AGBL1: variants seen among roughly 807,000 people sequenced by gnomAD.
The protein encoded by AGBL1 is AGBL carboxypeptidase 1, also known as cytosolic carboxypeptidase 4.
Under a neutral mutation model 118.9 loss-of-function variants are expected in AGBL1, and 130 were observed. That is an observed-to-expected ratio of 1.09 (90% CI 0.95 to 1.26). AGBL1 has a LOEUF of 1.26. Ranked by LOEUF, AGBL1 falls within the 50% of genes most tolerant of loss-of-function variation. The pLI is 0.00. For synonymous variants in AGBL1, 555 were observed against 478.9 expected (o/e 1.16, Z -2.08); for missense variants, 1,584 against 1,298.1 (o/e 1.22, Z -3.38).
At chr15:86,180,292 A>G (rs1189966258) in intron 5 of AGBL1, among the ~76,000 whole-genome samples, 4 of 152,114 alleles carry the variant, frequency 2.6e-5, no homozygotes, top group Non-Finnish European at 5.9e-5. Context: ...ATACTTTAAG[A>G]TTTATCATAA....
intron 18 of AGBL1, among the ~76,000 whole-genome samples, chr15:86,426,630 T>C (rs2081869792): frequency 6.6e-6 from 1 of 152,240 alleles, no homozygotes; most frequent in Non-Finnish European, 1.5e-5. Context: ...AAATGCAGCC[T>C]TAAGGCTGTT....
At chr15:86,320,709 A>G (rs1171569290) in intron 17 of AGBL1, among the ~76,000 whole-genome samples, 1 of 146,546 alleles carries the variant, frequency 6.8e-6, no homozygotes, top group African/African-American at 2.7e-5. Flanking sequence ...CATTTACTGA[A>G]GGTGTGTGTG....
chr15:86,497,085 T>C (rs2082863884), intron 18 of AGBL1, among the ~76,000 whole-genome samples: 1 of 152,022 alleles, frequency 6.6e-6, no homozygotes, highest in South Asian at 2.1e-4. Context: ...CAAAGCTGAC[T>C]TATCTAGCCA....
downstream of AGBL1, among the ~76,000 whole-genome samples, chr15:86,919,616 G>T (rs940564679): frequency 1.4e-5 from 2 of 145,602 alleles, no homozygotes; most frequent in Non-Finnish European, 3.0e-5. Flanking sequence ...ACACACACCC[G>T]ACTACCTAAG....
intron 21 of AGBL1, among the ~76,000 whole-genome samples, chr15:86,670,453 A>G (rs2085720860): frequency 6.6e-6 from 1 of 151,796 alleles, no homozygotes; most frequent in Non-Finnish European, 1.5e-5. Flanking sequence ...AAAATACAAA[A>G]ATTAGCTGGG....
intron 22 of AGBL1, among the ~76,000 whole-genome samples, chr15:86,717,025 C>CAG (rs2086648882): frequency 2.0e-5 from 3 of 152,140 alleles, no homozygotes; most frequent in Non-Finnish European, 4.4e-5. Context: ...GTGAATTAAT[C>CAG]CACATGAAGT....
chr15:86,624,401 C>A (rs1334961759), intron 21 of AGBL1, among the ~76,000 whole-genome samples: 2 of 152,164 alleles, frequency 1.3e-5, no homozygotes, highest in Admixed American at 6.5e-5. Context: ...TATTGAGCAC[C>A]TACAGTATAC....
At chr15:86,309,431 A>G (rs748131862) in intron 17 of AGBL1, among the ~76,000 whole-genome samples, 1 of 152,188 alleles carries the variant, frequency 6.6e-6, no homozygotes, top group Non-Finnish European at 1.5e-5. Context: ...GGCTAGGACC[A>G]CTAGTACTAT....
intron 19 of AGBL1, among the ~76,000 whole-genome samples, chr15:86,536,522 G>C (rs1328155131): frequency 2.0e-5 from 3 of 152,144 alleles, no homozygotes; most frequent in African/African-American, 7.2e-5. Context: ...TGTTGGCTAG[G>C]ATGGTCTCTA....
chr15:86,689,979 G>A (rs1302019119), intron 22 of AGBL1, among the ~76,000 whole-genome samples: 3 of 152,120 alleles, frequency 2.0e-5, no homozygotes, highest in Non-Finnish European at 2.9e-5. Context: ...ATTGCAACTA[G>A]TAACTTTGGT....
chr15:86,230,374 A>G, intron 6 of AGBL1, among the ~76,000 whole-genome samples: 1 of 152,344 alleles, frequency 6.6e-6, no homozygotes, highest in Middle Eastern at 3.4e-3. Context: ...TAAGAATTCT[A>G]AGAGTTCCAA....
At chr15:86,170,949 C>G (rs1162105065) in intron 5 of AGBL1, among the ~76,000 whole-genome samples, 1 of 149,978 alleles carries the variant, frequency 6.7e-6, no homozygotes, top group African/African-American at 2.5e-5. Flanking sequence ...TACACAGAAA[C>G]AAAAATAAGA....
chr15:86,801,832 TG>T (rs1419387186), intron 22 of AGBL1, among the ~76,000 whole-genome samples: 2 of 152,096 alleles, frequency 1.3e-5, no homozygotes, highest in East Asian at 3.9e-4. Flanking sequence ...ATCATTGCTG[TG>T]GTTATTACAT....
chr15:86,444,548 C>G lies in AGBL1; in HGVS notation c.2555+47002C>G, dbSNP rs150623264. Among the ~76,000 whole-genome samples, 12 of 152,318 alleles carry G rather than the reference C, an allele frequency of 7.9e-5. No homozygotes were observed. The East Asian group carries it at 1.9e-3, about 25-fold the overall frequency. On this transcript the variant is annotated intron_variant, in intron 18 of 22. Coordinates refer to ENST00000614907, the MANE Select transcript of AGBL1 (RefSeq NM_001386094.1). ...AAAAGCTATCTGGGGGCAGGCCAACCTGCCTAAGACCTGAGTGGGAGTTCC... is the reference window on the plus strand; with the variant it reads ...AAAAGCTATCTGGGGGCAGGCCAACGTGCCTAAGACCTGAGTGGGAGTTCC...
intron 18 of AGBL1, among the ~76,000 whole-genome samples, chr15:86,437,949 A>AAT (rs1338460481): frequency 3.9e-5 from 6 of 151,984 alleles, no homozygotes; most frequent in African/African-American, 1.5e-4. Context: ...TCTATTGCCC[A>AAT]GGCTGGAGTG....
chr15:86,886,482 A>T (rs2079972614), intron 22 of AGBL1, among the ~76,000 whole-genome samples: 1 of 152,214 alleles, frequency 6.6e-6, no homozygotes, highest in Non-Finnish European at 1.5e-5. Flanking sequence ...TCAAGTTTAA[A>T]GAAGAGAATT....
chr15:86,818,845 AACATT>A (rs1422842685), intron 22 of AGBL1, among the ~76,000 whole-genome samples: 2 of 152,162 alleles, frequency 1.3e-5, no homozygotes, highest in African/African-American at 4.8e-5. Flanking sequence ...AATGTTATTT[AACATT>A]TCTAAGGCTT....
intron 12 of AGBL1, 21 bp from the exon 13 acceptor site, chr15:86,266,969 A>G (rs1171241261): frequency 3.3e-6 from 5 of 1,522,814 alleles, no homozygotes; most frequent in Admixed American, 3.8e-5. Context: ...ATATGTTCAC[A>G]TGTTCCTTAT....
intron 19 of AGBL1, among the ~76,000 whole-genome samples, chr15:86,527,958 CTT>C (rs954694334): frequency 4.6e-5 from 7 of 152,334 alleles, no homozygotes; most frequent in Non-Finnish European, 8.8e-5. Context: ...CATCCAACCA[CTT>C]ATCCATCCAC....
Sources: allele counts gnomAD v4.1 joint callset (sites outside exome capture counted in the v4.1 genomes callset), GRCh38; gene constraint gnomAD v4.1.1; transcripts MANE v1.5; gene names NCBI Gene and HGNC (gene_info 2026-07-23, HGNC 2026-07-21).